CFAP20DC: variants seen among roughly 807,000 people sequenced by gnomAD.
The protein encoded by CFAP20DC is CFAP20 domain containing, also known as protein CFAP20DC.
Under a neutral mutation model 101.7 loss-of-function variants are expected in CFAP20DC, and 84 were observed. The ratio of observed to expected loss-of-function variants is 0.83; its 90% confidence interval spans 0.69 to 0.99. CFAP20DC has a LOEUF of 0.99. Among genes scored for constraint, CFAP20DC ranks in the 50% least tolerant of loss-of-function variants. The pLI is 0.00. For synonymous variants in CFAP20DC, 359 were observed against 351.2 expected (o/e 1.02, Z -0.25); for missense variants, 1,007 against 970.3 (o/e 1.04, Z -0.50).
At chr3:58,761,049 T>C (rs1416445563) in intron 15 of CFAP20DC, among the ~76,000 whole-genome samples, 3 of 152,248 alleles carry the variant, frequency 2.0e-5, no homozygotes, top group Admixed American at 6.5e-5. Flanking sequence ...GCTGGCCTCA[T>C]AAAATGAGTT....
intron 6 of CFAP20DC, among the ~76,000 whole-genome samples, chr3:58,909,808 T>C (rs535228302): frequency 4.2e-4 from 64 of 152,250 alleles, no homozygotes; most frequent in African/African-American, 1.5e-3. Flanking sequence ...TGGTGGTTGG[T>C]TGCATCTATC....
In CFAP20DC at chr3:59,047,174, C is replaced by T. The variant is rs1480311425; in HGVS notation, c.102G>A (p.Val34=). 2 of 1,532,040 alleles carry T rather than the reference C, an allele frequency of 1.3e-6. No individual in the cohort carries two copies. The highest frequency in any genetic ancestry group is 2.0e-5 in the Admixed American group (1 of 50,910). 94.9% of individuals were successfully genotyped at this position (1,532,040 alleles called of 1,614,324 possible). The change falls in exon 2 of 17, where the codon GTG becomes GTA. Residue 34 remains valine (V), a synonymous_variant. Coordinates refer to ENST00000482387, the MANE Select transcript of CFAP20DC (RefSeq NM_001394063.1). ...AKWKILGSPS[V]IWKEFDKEVK... is the part of the protein sequence containing the mutation. ...AATTTCTAATACTTACTTTCCAAAT[C>T]ACAGATGGACTACCAAGGATCTTCC...
chr3:58,998,534 CTAATT>C (rs879087056), intron 4 of CFAP20DC, among the ~76,000 whole-genome samples: 3 of 152,320 alleles, frequency 2.0e-5, no homozygotes, highest in Admixed American at 2.0e-4. Context: ...TGCCTATTAA[CTAATT>C]TATACTTCAC....
chr3:59,017,361 G>A (rs554753042), intron 4 of CFAP20DC: 94 of 152,164 alleles, frequency 6.2e-4, no homozygotes, highest in African/African-American at 2.2e-3. Flanking sequence ...AAAAACTTGC[G>A]ATTGAAGCTC....
intron 4 of CFAP20DC, among the ~76,000 whole-genome samples, chr3:59,023,403 G>A (rs1332341913): frequency 6.6e-6 from 1 of 152,064 alleles, no homozygotes; most frequent in African/African-American, 2.4e-5. Context: ...GGAGGATATG[G>A]GAAGTATTTA....
At chr3:58,951,470 C>T (rs2090097218) in intron 4 of CFAP20DC, among the ~76,000 whole-genome samples, 1 of 152,120 alleles carries the variant, frequency 6.6e-6, no homozygotes, top group Non-Finnish European at 1.5e-5. Flanking sequence ...ATGTTTATTG[C>T]AGCACTATTC....
rs376792536 is a variant in CFAP20DC, at chr3:58,981,262, G to A, written c.279-43500C>T. Among the ~76,000 whole-genome samples, 320 of 152,120 alleles carry A rather than the reference G, an allele frequency of 2.1e-3. 2 individuals carry two copies. Among genetic ancestry groups the A allele is most frequent in the African/African-American group, 7.3e-3 (304 of 41,502 alleles). ...CTCATGGGTAGGAAGAATCAATATC[G>A]TGAAAATGGCCATACTGCCCAAGGT... On this transcript the variant is annotated intron_variant, in intron 4 of 16. Coordinates refer to ENST00000482387, the MANE Select transcript of CFAP20DC (RefSeq NM_001394063.1).
At chr3:58,940,114 G>A (rs1279138425) in intron 4 of CFAP20DC, among the ~76,000 whole-genome samples, 1 of 152,136 alleles carries the variant, frequency 6.6e-6, no homozygotes, top group Admixed American at 6.6e-5. Flanking sequence ...ACTCCAAATG[G>A]AGGAATGATT....
rs1481825123 is a variant in CFAP20DC, at chr3:58,732,674, T to C, written c.198-15046A>G. Among the ~76,000 whole-genome samples, 1 of 152,224 alleles carries C rather than the reference T, an allele frequency of 6.6e-6. No individual in the cohort carries two copies. Among genetic ancestry groups the C allele is most frequent in the Non-Finnish European group, 1.5e-5 (1 of 68,040 alleles). On this transcript the variant is annotated intron_variant, in intron 3 of 3. Coordinates refer to the CFAP20DC transcript ENST00000486145. The surrounding 1 kb of genome is among the most constrained non-coding windows in gnomAD (Gnocchi z 5.4). ...ACTGCTTCTCACTCTAATGGGTTTA[T>C]AACACCCAACGTGGCACGAAAGCCG... is the stretch of plus-strand genomic sequence containing the variant.
At chr3:58,978,088 T>G in intron 4 of CFAP20DC, among the ~76,000 whole-genome samples, 1 of 152,278 alleles carries the variant, frequency 6.6e-6, no homozygotes, top group East Asian at 1.9e-4. Flanking sequence ...AAGGCCTGCA[T>G]AGCTCTTTGT....
intron 7 of CFAP20DC, among the ~76,000 whole-genome samples, chr3:58,875,565 AT>A (rs1353572040): frequency 6.6e-6 from 1 of 151,970 alleles, no homozygotes; most frequent in African/African-American, 2.4e-5. Flanking sequence ...GCTAAGGGCC[AT>A]TTTTCTGTTC....
chr3:58,819,350 G>A (rs1440308263), intron 14 of CFAP20DC, among the ~76,000 whole-genome samples: 1 of 152,030 alleles, frequency 6.6e-6, no homozygotes, highest in Non-Finnish European at 1.5e-5. Flanking sequence ...AATGAATCCA[G>A]GAGCTGGTTT....
At chr3:58,841,369 C>T (rs2077094370) in intron 13 of CFAP20DC, among the ~76,000 whole-genome samples, 1 of 151,916 alleles carries the variant, frequency 6.6e-6, no homozygotes, top group African/African-American at 2.4e-5. Context: ...TATTATATAC[C>T]CTAGAAAAGG....
intron 12 of CFAP20DC, among the ~76,000 whole-genome samples, chr3:58,858,338 G>A (rs1382375822): frequency 6.6e-6 from 1 of 152,120 alleles, no homozygotes; most frequent in Non-Finnish European, 1.5e-5. Flanking sequence ...TATGTATGCC[G>A]AAGATGAGAA....
intron 4 of CFAP20DC, among the ~76,000 whole-genome samples, chr3:58,943,404 C>G (rs763565838): frequency 1.1e-4 from 17 of 152,160 alleles, no homozygotes; most frequent in Non-Finnish European, 2.9e-5. Flanking sequence ...CGTTCTGCAG[C>G]CTCTGCTGGT....
At position 58,927,760 on chromosome 3, in the gene CFAP20DC, C is replaced by T. The variant is rs2086144967; in HGVS notation, c.393+9888G>A. ...ACTGGGGCCAATACCACATCAACAACAGGAAGGCCACTAGAGATGGCATCT... is the reference window on the plus strand; with the variant it reads ...ACTGGGGCCAATACCACATCAACAATAGGAAGGCCACTAGAGATGGCATCT... On this transcript the variant is annotated intron_variant, in intron 5 of 16. Coordinates refer to ENST00000482387, the MANE Select transcript of CFAP20DC (RefSeq NM_001394063.1). 2.0e-5 allele frequency among the ~76,000 whole-genome samples: 3 copies of T among 152,308 alleles called. No individual in the cohort carries two copies. The South Asian group carries it at 6.2e-4, about 32-fold the overall frequency.
At chr3:58,943,056 A>T (rs1225330594) in intron 4 of CFAP20DC, among the ~76,000 whole-genome samples, 2 of 152,222 alleles carry the variant, frequency 1.3e-5, no homozygotes, top group Non-Finnish European at 2.9e-5. Flanking sequence ...CATCTCTGAA[A>T]GAAAGGCAGC....
intron 15 of CFAP20DC, among the ~76,000 whole-genome samples, chr3:58,764,826 G>A (rs564884593): frequency 2.6e-5 from 4 of 152,156 alleles, no homozygotes; most frequent in Admixed American, 1.3e-4. Flanking sequence ...ACTCAGGTAT[G>A]TCTCCCACCC....
chr3:58,721,977 G>A lies in CFAP20DC; in HGVS notation c.198-4349C>T, dbSNP rs2067479313. Among the ~76,000 whole-genome samples the A allele has an allele frequency of 6.6e-6, 1 of 152,232 alleles. No homozygotes were observed. Among genetic ancestry groups the A allele is most frequent in the Non-Finnish European group, 1.5e-5 (1 of 68,046 alleles). On this transcript the variant is annotated intron_variant, in intron 3 of 3. Coordinates refer to the CFAP20DC transcript ENST00000486145. The surrounding 1 kb of genome is among the most constrained non-coding windows in gnomAD (Gnocchi z 5.2). ...CCTGAACTGTAACCAAGAGGATGTG[G>A]TGGAAGAGAAGCTGTGTGACTTCTG...
Sources: gnomAD v4.1 joint callset for allele counts (sites outside exome capture counted in the v4.1 genomes callset) on GRCh38, gnomAD v4.1.1 for gene constraint, Gnocchi (gnomAD v3.1) non-coding constraint, MANE v1.5 for transcripts, NCBI Gene and HGNC (gene_info 2026-07-23, HGNC 2026-07-21) for gene names.